The following DPP10 variants were observed in gnomAD, a reference collection of about 807,000 sequenced individuals.
The protein encoded by DPP10 is inactive dipeptidyl peptidase 10.
DPP10 carries 33 observed loss-of-function variants against 120.9 expected under a neutral mutation model. The observed-to-expected ratio is 0.27, with a 90% CI of 0.21 to 0.37. The LOEUF is 0.37. DPP10 is among the 10% of genes least tolerant of loss of function. The pLI is 1.00. For missense variants in DPP10, 816 were observed against 942.8 expected (o/e 0.87, Z 1.76); for synonymous variants, 337 against 326.1 (o/e 1.03, Z -0.36).
chr2:115,126,381 C>T (rs2050085790), intron 1 of DPP10, among the ~76,000 whole-genome samples: 1 of 152,138 alleles, frequency 6.6e-6, no homozygotes, highest in South Asian at 2.1e-4. Context: ...ATATTACAAG[C>T]GTGAGCCACT....
chr2:114,879,795 A>G (rs764975869), intron 1 of DPP10, among the ~76,000 whole-genome samples: 14 of 152,154 alleles, frequency 9.2e-5, no homozygotes, highest in Non-Finnish European at 1.8e-4. Context: ...TGTGGAAGAC[A>G]GTGACCACTT....
rs117154524 is a variant in DPP10, at chr2:115,469,424, T to G, written c.272-30086T>G. On this transcript the variant is annotated intron_variant, in intron 3 of 25. Coordinates refer to ENST00000410059, the MANE Select transcript of DPP10 (RefSeq NM_020868.6). ...ATTTACTGGTTGTCATTTTCTACTT[T>G]GTGATTTTAGCCTATAATCAGTTTT... 1.6e-4 allele frequency among the ~76,000 whole-genome samples: 24 copies of G among 152,326 alleles called. No individual in the cohort carries two copies. In the East Asian group the frequency reaches 4.6e-3, roughly 29 times the overall value.
chr2:115,218,922 G>T (rs1161703970), intron 1 of DPP10, among the ~76,000 whole-genome samples: 1 of 152,016 alleles, frequency 6.6e-6, no homozygotes, highest in Admixed American at 6.6e-5. Flanking sequence ...TGTTCCCATT[G>T]GAATTAGACT....
At chr2:114,663,660 T>TAGAGAGAGAGAGAG (rs1485631969) in intron 1 of DPP10, among the ~76,000 whole-genome samples, 13 of 91,494 alleles carry the variant, frequency 1.4e-4, no homozygotes, top group East Asian at 8.9e-4. Flanking sequence ...TATATATATA[T>TAGAGAGAGAGAGAG]ATATATATAG....
Position 115,656,843 on chromosome 2 carries a change from A to G in DPP10, c.442-32844A>G, listed in dbSNP as rs1331795661. Among the ~76,000 whole-genome samples the G allele has an allele frequency of 2.0e-5, 3 of 151,850 alleles. No homozygotes were observed. In the South Asian group the frequency reaches 6.2e-4, roughly 31 times the overall value. ...AAATAATCATTCTGTATAAAATTTG[A>G]GAAGTGCTTCTTTCTTACAGTTTAT... On this transcript the variant is annotated intron_variant, in intron 5 of 25. Coordinates refer to ENST00000410059, the MANE Select transcript of DPP10 (RefSeq NM_020868.6).
intron 5 of DPP10, among the ~76,000 whole-genome samples, chr2:115,675,628 A>G (rs1429989537): frequency 6.6e-6 from 1 of 152,210 alleles, no homozygotes; most frequent in Non-Finnish European, 1.5e-5. Context: ...GGAATGCCCC[A>G]AAGCCCACAT....
At chr2:114,984,324 A>T (rs901863566) in intron 1 of DPP10, among the ~76,000 whole-genome samples, 1 of 152,158 alleles carries the variant, frequency 6.6e-6, no homozygotes, top group African/African-American at 2.4e-5. Flanking sequence ...GAATGGGGCT[A>T]GTCTGGGGCA....
intron 3 of DPP10, among the ~76,000 whole-genome samples, chr2:115,429,205 CT>C (rs1226412607): frequency 6.9e-6 from 1 of 144,472 alleles, no homozygotes; most frequent in Non-Finnish European, 1.5e-5. Flanking sequence ...TTTTCCTAAG[CT>C]TTTCTTACTA....
intron 1 of DPP10, among the ~76,000 whole-genome samples, chr2:115,074,438 C>A (rs963818888): frequency 6.6e-6 from 1 of 152,140 alleles, no homozygotes; most frequent in South Asian, 2.1e-4. Context: ...ACATTCATAG[C>A]CACACGTATG....
At position 114,949,986 on chromosome 2, in the gene DPP10, TTCA is replaced by T. The variant is rs539421481; in HGVS notation, c.61-359247_61-359245del. ...GTAGAAAGCCACCAACCTATGTTGG[TTCA>T]TCATCTTTTCAGAAATTTGAAGTCT... On this transcript the variant is annotated intron_variant, in intron 1 of 25. Coordinates refer to ENST00000410059, the MANE Select transcript of DPP10 (RefSeq NM_020868.6). Among the ~76,000 whole-genome samples, 284 of 152,306 alleles carry T rather than the reference TTCA, an allele frequency of 1.9e-3. 1 individual carries two copies. Among genetic ancestry groups the T allele is most frequent in the Admixed American group, 3.7e-3 (57 of 15,296 alleles).
chr2:115,234,802 A>C (rs748318287), intron 1 of DPP10, among the ~76,000 whole-genome samples: 1 of 152,208 alleles, frequency 6.6e-6, no homozygotes, highest in African/African-American at 2.4e-5. Context: ...TACTTAATAC[A>C]TATAAGCACC....
At chr2:115,291,169 A>G (rs1335798452) in intron 1 of DPP10, among the ~76,000 whole-genome samples, 1 of 151,868 alleles carries the variant, frequency 6.6e-6, no homozygotes, top group Non-Finnish European at 1.5e-5. Flanking sequence ...ATGCCTGGCC[A>G]ATTTTTTATT....
intron 3 of DPP10, among the ~76,000 whole-genome samples, chr2:115,438,817 G>A (rs61081814): frequency 2.8e-4 from 38 of 133,952 alleles, no homozygotes; most frequent in African/African-American, 8.5e-4. Flanking sequence ...TGGAAGCACA[G>A]TGTGGAATAG....
At position 115,843,834 on chromosome 2, in the gene DPP10, T is replaced by A. The variant is rs912324128; in HGVS notation, c.*1489T>A. ...GAAGTTCAGATAAATCTAGGCAGGA[T>A]ACTGCATTTTTGTGGTTTTAAAAAA... On this transcript the variant is annotated 3_prime_UTR_variant, in exon 26 of 26. Transcript: ENST00000410059. 5.2e-5 allele frequency: 8 copies of A among 152,620 alleles called. No individual in the cohort carries two copies. The highest frequency in any genetic ancestry group is 5.2e-4 in the Admixed American group (8 of 15,280). 9.5% of individuals were successfully genotyped at this position (152,620 alleles called of 1,614,324 possible).
intron 3 of DPP10, among the ~76,000 whole-genome samples, chr2:115,419,315 G>C (rs1432441170): frequency 4.6e-5 from 7 of 152,248 alleles, no homozygotes; most frequent in East Asian, 1.9e-4. Context: ...TCCGCAGACT[G>C]TACAAGAAGC....
intron 1 of DPP10, among the ~76,000 whole-genome samples, chr2:114,714,877 C>G (rs1472494192): frequency 6.6e-6 from 1 of 151,704 alleles, no homozygotes; most frequent in African/African-American, 2.4e-5. Context: ...GACAAATAAA[C>G]AAAGAAAGAA....
Position 115,546,833 on chromosome 2 carries a change from T to C in DPP10, c.441+20861T>C, listed in dbSNP as rs368338275. 5.9e-5 allele frequency among the ~76,000 whole-genome samples: 9 copies of C among 152,266 alleles called. No homozygotes were observed. The East Asian group carries it at 1.4e-3, about 23-fold the overall frequency. ...AGGTACCTTGGGAAAACAGACATTTTCCCTGTTTCACTATTGTGAGACAGG... is the reference window on the plus strand; with the variant it reads ...AGGTACCTTGGGAAAACAGACATTTCCCCTGTTTCACTATTGTGAGACAGG... On this transcript the variant is annotated intron_variant, in intron 5 of 25. Transcript: ENST00000410059.
At chr2:114,889,916 G>T (rs1197460176) in intron 1 of DPP10, among the ~76,000 whole-genome samples, 2 of 152,178 alleles carry the variant, frequency 1.3e-5, no homozygotes, top group South Asian at 2.1e-4. Flanking sequence ...TGTTCTTAAA[G>T]TCAGCATTGA....
At chr2:115,746,006 G>A in intron 9 of DPP10, 80 bp from the exon 10 acceptor site, 1 of 1,030,740 alleles carries the variant, frequency 9.7e-7, no homozygotes, top group Non-Finnish European at 1.4e-6. Flanking sequence ...AACAGTAAAT[G>A]AATCAAAAAT....
Sources: gnomAD v4.1 joint callset for allele counts (sites outside exome capture counted in the v4.1 genomes callset) on GRCh38, gnomAD v4.1.1 for gene constraint, MANE v1.5 for transcripts, NCBI Gene and HGNC (gene_info 2026-07-23, HGNC 2026-07-21) for gene names.